SEMA3D: variants seen among roughly 807,000 people sequenced by gnomAD.
SEMA3D encodes the protein semaphorin 3D, also known as semaphorin-3D.
Under a neutral mutation model 100.1 loss-of-function variants are expected in SEMA3D, and 84 were observed. That is an observed-to-expected ratio of 0.84 (90% CI 0.70 to 1.01). The LOEUF is 1.01. Among genes scored for constraint, SEMA3D ranks in the 50% least tolerant of loss-of-function variants. SEMA3D has a pLI of 0.00. For synonymous variants in SEMA3D, 312 were observed against 320.7 expected (o/e 0.97, Z 0.29); for missense variants, 875 against 934.1 (o/e 0.94, Z 0.82).
intron 2 of SEMA3D, among the ~76,000 whole-genome samples, chr7:85,147,008 C>A (rs1790224422): frequency 6.6e-6 from 1 of 151,708 alleles, no homozygotes; most frequent in Non-Finnish European, 1.5e-5. Context: ...TTTCCGTATA[C>A]CACAGTATCA....
intron 9 of SEMA3D, among the ~76,000 whole-genome samples, chr7:85,046,446 A>G (rs1410556066): frequency 6.6e-6 from 1 of 151,870 alleles, no homozygotes; most frequent in Non-Finnish European, 1.5e-5. Context: ...CTACCCATCC[A>G]ACAGCCTTCT....
intron 2 of SEMA3D, among the ~76,000 whole-genome samples, chr7:85,130,516 G>A (rs191528256): frequency 6.6e-6 from 1 of 152,182 alleles, no homozygotes; most frequent in African/African-American, 2.4e-5. Context: ...GGGCCTTCTG[G>A]CCCAGAAACG....
chr7:85,164,364 T>A (rs1790834726), intron 1 of SEMA3D, among the ~76,000 whole-genome samples: 1 of 152,162 alleles, frequency 6.6e-6, no homozygotes, highest in African/African-American at 2.4e-5. Flanking sequence ...ATATACTTAT[T>A]TATCTAAACT....
At chr7:85,080,251 G>A (rs1788014048) in intron 5 of SEMA3D, among the ~76,000 whole-genome samples, 1 of 151,944 alleles carries the variant, frequency 6.6e-6, no homozygotes, top group Non-Finnish European at 1.5e-5. Context: ...AGCTCCATAA[G>A]GACAGATATG....
intron 1 of SEMA3D, among the ~76,000 whole-genome samples, chr7:85,171,108 C>A (rs1329572454): frequency 2.0e-5 from 3 of 151,950 alleles, no homozygotes; most frequent in African/African-American, 7.2e-5. Flanking sequence ...TTCCTTTCCA[C>A]CAAAAGACAG....
chr7:85,159,073 C>T (rs939817660), intron 1 of SEMA3D, among the ~76,000 whole-genome samples: 11 of 152,144 alleles, frequency 7.2e-5, no homozygotes, highest in Non-Finnish European at 1.2e-4. Context: ...CCTTTAGTTC[C>T]TCAACCCCTT....
At chr7:85,037,688 T>A (rs1790739786) in intron 11 of SEMA3D, among the ~76,000 whole-genome samples, 1 of 152,074 alleles carries the variant, frequency 6.6e-6, no homozygotes, top group African/African-American at 2.4e-5. Flanking sequence ...CAGTAGCTCA[T>A]CTGATACTTA....
At chr7:85,122,473 GT>G (rs1447071565) in intron 2 of SEMA3D, among the ~76,000 whole-genome samples, 1 of 152,058 alleles carries the variant, frequency 6.6e-6, no homozygotes, top group African/African-American at 2.4e-5. Context: ...GACTAAAGTT[GT>G]TTTTGTGTTT....
At position 84,995,879 on chromosome 7, in the gene SEMA3D, A is replaced by G. The variant is rs1253255656; in HGVS notation, c.*3561T>C. ...CACTCCTAATGTATGGAATCTGGGA[A>G]TCGATTTTATTTTACCTGACTTGTA... On this transcript the variant is annotated 3_prime_UTR_variant, in exon 19 of 19. Transcript: ENST00000284136. 1 of 151,996 alleles carries G rather than the reference A, an allele frequency of 6.6e-6. No homozygotes were observed. Among genetic ancestry groups the G allele is most frequent in the Non-Finnish European group, 1.5e-5 (1 of 67,892 alleles). 9.4% of individuals were successfully genotyped at this position (151,996 alleles called of 1,614,324 possible).
the SEMA3D span, among the ~76,000 whole-genome samples, chr7:85,203,015 T>C: frequency 2.6e-5 from 4 of 152,196 alleles, no homozygotes; most frequent in Admixed American, 2.6e-4. Flanking sequence ...AGTTCATCTG[T>C]GGTAAAATGA....
chr7:85,181,342 AC>A (rs1562847443), intron 1 of SEMA3D, among the ~76,000 whole-genome samples: 5,303 of 135,214 alleles, frequency 0.039, 344 homozygotes, highest in African/African-American at 0.14. Flanking sequence ...ACACACACAC[AC>A]ACACACACAC....
chr7:85,083,786 G>A (rs1788134840), intron 4 of SEMA3D, among the ~76,000 whole-genome samples: 1 of 148,984 alleles, frequency 6.7e-6, no homozygotes, highest in South Asian at 2.1e-4. Context: ...GGCGGAGCTT[G>A]CAGTGAGCCG....
In SEMA3D at chr7:84,996,982, T is replaced by C. The variant is rs1303965890; in HGVS notation, c.*2458A>G. The C allele has an allele frequency of 1.3e-5, 2 of 151,816 alleles. No homozygotes were observed. Among genetic ancestry groups the C allele is most frequent in the African/African-American group, 4.8e-5 (2 of 41,420 alleles). 9.4% of individuals were successfully genotyped at this position (151,816 alleles called of 1,614,324 possible). A position where few individuals can be genotyped will look rare whatever the true frequency, so the allele number is the denominator to read the frequency against. ...TATTCTTTATCTTTAAAAATACATATAAATATGTGTACTCTATGTTGTTTT... is the reference window on the plus strand; with the variant it reads ...TATTCTTTATCTTTAAAAATACATACAAATATGTGTACTCTATGTTGTTTT... On this transcript the variant is annotated 3_prime_UTR_variant, in exon 19 of 19. Transcript: ENST00000284136.
chr7:85,022,730 G>T (rs965001984), intron 12 of SEMA3D, 117 bp from the exon 13 acceptor site: 2 of 682,602 alleles, frequency 2.9e-6, no homozygotes, highest in Non-Finnish European at 5.2e-6. Context: ...ATGGACAACA[G>T]AGTCAATATG....
intron 4 of SEMA3D, among the ~76,000 whole-genome samples, chr7:85,085,712 C>T (rs1325296891): frequency 2.0e-5 from 3 of 152,096 alleles, no homozygotes; most frequent in African/African-American, 7.2e-5. Flanking sequence ...ACTTTTGATC[C>T]TCTGTTTTAA....
At chr7:85,023,931 T>C (rs1192295769) in intron 12 of SEMA3D, among the ~76,000 whole-genome samples, 2 of 151,966 alleles carry the variant, frequency 1.3e-5, no homozygotes, top group Non-Finnish European at 2.9e-5. Context: ...AAACTGATAC[T>C]TTCTGGATAT....
chr7:85,042,802 T>G (rs1331048648), intron 9 of SEMA3D, among the ~76,000 whole-genome samples: 1 of 152,104 alleles, frequency 6.6e-6, no homozygotes, highest in Admixed American at 6.6e-5. Context: ...GCCTCCTAAG[T>G]AGCTGATACT....
intron 12 of SEMA3D, among the ~76,000 whole-genome samples, chr7:85,029,974 A>C (rs1383346511): frequency 2.6e-5 from 4 of 151,572 alleles, no homozygotes; most frequent in Non-Finnish European, 5.9e-5. Context: ...CACAACCTCC[A>C]CCCCTGAATA....
chr7:85,071,518 G>T (rs987722228), intron 6 of SEMA3D, among the ~76,000 whole-genome samples: 3 of 152,284 alleles, frequency 2.0e-5, no homozygotes, highest in Non-Finnish European at 4.4e-5. Flanking sequence ...CTCACAAAAA[G>T]TACAGTCATG....
Sources: allele counts gnomAD v4.1 joint callset (sites outside exome capture counted in the v4.1 genomes callset), GRCh38; gene constraint gnomAD v4.1.1; transcripts MANE v1.5; gene names NCBI Gene and HGNC (gene_info 2026-07-23, HGNC 2026-07-21).